FAM135A: variants seen among roughly 807,000 people sequenced by gnomAD.
The protein encoded by FAM135A is protein FAM135A.
In FAM135A, 79 loss-of-function variants were observed where a neutral mutation model predicts 146.8. The ratio of observed to expected loss-of-function variants is 0.54; its 90% CI spans 0.45 to 0.65. The LOEUF (loss-of-function observed/expected upper bound fraction) is 0.65. Among genes scored for constraint, FAM135A ranks in the 30% least tolerant of loss-of-function variants. The pLI is 0.00. For missense variants in FAM135A, 1,623 were observed against 1,758.2 expected, an observed-to-expected ratio of 0.92 and a Z score of 1.38; for synonymous variants, 562 against 603.6, an observed-to-expected ratio of 0.93 and a Z score of 1.01.
intron 11 of FAM135A, among the ~76,000 whole-genome samples, chr6:70,493,781 G>A (rs868142118): frequency 1.4e-4 from 22 of 152,234 alleles, no homozygotes; most frequent in Middle Eastern, 3.4e-3. Context: ...GGCCGGGTGC[G>A]GTGGCTCACG....
chr6:70,493,162 G>A (rs1312115487), intron 11 of FAM135A, among the ~76,000 whole-genome samples: 1 of 151,692 alleles, frequency 6.6e-6, no homozygotes, highest in Non-Finnish European at 1.5e-5. Context: ...CTGTTTGCGT[G>A]CTGAAAACTC....
Position 70,470,224 on chromosome 6 carries a change from C to T in FAM135A, c.158-5186C>T, listed in dbSNP as rs543528609. 4.6e-5 allele frequency among the ~76,000 whole-genome samples: 7 copies of T among 152,324 alleles called. No individual in the cohort carries two copies. The South Asian group carries it at 8.3e-4, about 18-fold the overall frequency. On this transcript the variant is annotated intron_variant, in intron 5 of 21. Transcript: ENST00000418814. ...TATTGCTGTGTAAAAATTTATCCCA[C>T]AACTTAGTTTAAAACAGCAAACATT...
chr6:70,559,752 G>A lies in FAM135A; in HGVS notation c.4379G>A (p.Arg1460Gln), dbSNP rs200784838. Residue 1460 changes from arginine to glutamine, a missense_variant, in exon 22 of 22, where the codon CGA becomes CAA. Physicochemically the swap from Arg to Gln is conservative, Grantham distance 43. Transcript: ENST00000418814. ...TCAGAAATGATCCACAACTTGCTTCGACCCGTTCTGCAAAGCAAGGACTGT... is the reference window on the plus strand; with the variant it reads ...TCAGAAATGATCCACAACTTGCTTCAACCCGTTCTGCAAAGCAAGGACTGT... ...IYSEMIHNLL[R>Q]PVLQSKDCNL... The A allele has an allele frequency of 5.1e-5, 83 of 1,613,712 alleles. No homozygotes were observed. Among genetic ancestry groups the A allele is most frequent in the Non-Finnish European group, 3.1e-5 (36 of 1,179,966 alleles).
chr6:70,452,447 T>G, intron 4 of FAM135A, 45 bp from the exon 5 acceptor site: 1 of 1,462,262 alleles, frequency 6.8e-7, no homozygotes, highest in Non-Finnish European at 9.4e-7. Flanking sequence ...CATTGCATAT[T>G]TTTAAATATG....
intron 4 of FAM135A, among the ~76,000 whole-genome samples, chr6:70,442,239 GTTTTT>G (rs1264461872): frequency 1.6e-5 from 2 of 125,964 alleles, no homozygotes; most frequent in Non-Finnish European, 3.5e-5. Flanking sequence ...TTCTTCATGG[GTTTTT>G]TTTTTTTTTT....
intron 20 of FAM135A, among the ~76,000 whole-genome samples, chr6:70,545,163 CAG>C (rs561006958): frequency 2.8e-4 from 42 of 151,938 alleles, no homozygotes; most frequent in Non-Finnish European, 5.0e-4. Context: ...ATTTTTTTAA[CAG>C]AACTTTTATC....
chr6:70,533,537 A>C (rs1299046845), intron 17 of FAM135A, among the ~76,000 whole-genome samples: 1 of 152,170 alleles, frequency 6.6e-6, no homozygotes, highest in Non-Finnish European at 1.5e-5. Flanking sequence ...TAAACAAACA[A>C]ATAATGCAAG....
At chr6:70,502,889 A>G (rs113500497) in intron 12 of FAM135A, 98 bp downstream of exon 12, 59 of 1,207,196 alleles carry the variant, frequency 4.9e-5, no homozygotes, top group Middle Eastern at 2.6e-4. Flanking sequence ...CTATATATTG[A>G]TAAATCAGAA....
chr6:70,535,277 A>T (rs1412525642), intron 18 of FAM135A, among the ~76,000 whole-genome samples: 1 of 152,128 alleles, frequency 6.6e-6, no homozygotes, highest in African/African-American at 2.4e-5. Context: ...TTTCACTGCT[A>T]ATTGTCCCCA....
At position 70,524,048 on chromosome 6, in the gene FAM135A, T is replaced by C. The variant is rs1044903156; in HGVS notation, c.1185T>C (p.Cys395=). Reference sequence around the variant, plus strand: ...CTCTTCCACCCTTACCTATTGAATGTAGTGAATTAGATGGAGATCTCAATT... The same window carrying C: ...CTCTTCCACCCTTACCTATTGAATGCAGTGAATTAGATGGAGATCTCAATT... ...CSSLPPLPIE[C]SELDGDLNSL... The change falls in exon 14 of 22, where the codon TGT becomes TGC. Residue 395 remains cysteine, a synonymous_variant. Transcript: ENST00000418814. 1.2e-6 allele frequency: 2 copies of C among 1,613,094 alleles called. No homozygotes were observed. The highest frequency in any genetic ancestry group is 1.7e-5 in the Admixed American group (1 of 59,860).
chr6:70,417,501 C>T lies in FAM135A; in HGVS notation c.-134+2125C>T, dbSNP rs1051013682. Reference sequence around the variant, plus strand: ...GTGCTGGGATTACAGGCATGAACTACTATGCCTGGCTGTAGTCTGGGACAT... The same window carrying T: ...GTGCTGGGATTACAGGCATGAACTATTATGCCTGGCTGTAGTCTGGGACAT... On this transcript the variant is annotated intron_variant, in intron 2 of 21. Transcript: ENST00000418814. The T allele has an allele frequency of 4.7e-6, 3 of 633,884 alleles. No individual in the cohort carries two copies. In the East Asian group the frequency reaches 4.1e-4, roughly 88 times the overall value. 39.3% of individuals were successfully genotyped at this position (633,884 alleles called of 1,614,324 possible). A position where few individuals can be genotyped will look rare whatever the true frequency, so the allele number is the denominator to read the frequency against.
intron 5 of FAM135A, among the ~76,000 whole-genome samples, chr6:70,464,062 C>CTT (rs1348972407): frequency 1.3e-5 from 2 of 152,128 alleles, no homozygotes; most frequent in African/African-American, 4.8e-5. Context: ...ATGTTCATGT[C>CTT]TTTTACTTCC....
chr6:70,502,788 G>C lies in FAM135A; in HGVS notation c.1026G>C (p.Leu342Phe). ...TATTAGCACAAGAGCACCATACTTT[G>C]AGGGTAAGTTAAAGAGAAGTGATTT... ...RILLAQEHHT[L>F]RVRRFSEAFF... Residue 342 changes from leucine (L) to phenylalanine (F), a missense_variant, in exon 12 of 22, where the codon TTG (leucine) becomes TTC (phenylalanine). This residue lies in a region of FAM135A where 206 missense variants were observed against 194.7 expected (regional missense o/e 1.06). Coordinates refer to ENST00000418814, the MANE Select transcript of FAM135A (RefSeq NM_001162529.3). 1.2e-6 allele frequency: 2 copies of C among 1,607,144 alleles called. No individual in the cohort carries two copies. Among genetic ancestry groups the C allele is most frequent in the African/African-American group, 1.3e-5 (1 of 74,818 alleles).
At chr6:70,445,954 C>T (rs902008979) in intron 4 of FAM135A, among the ~76,000 whole-genome samples, 1 of 152,240 alleles carries the variant, frequency 6.6e-6, no homozygotes, top group Non-Finnish European at 1.5e-5. Flanking sequence ...TCAGGATCTG[C>T]ATCTGCAGAC....
intron 12 of FAM135A, among the ~76,000 whole-genome samples, chr6:70,519,207 A>G (rs1418128080): frequency 2.0e-5 from 3 of 152,226 alleles, no homozygotes; most frequent in Non-Finnish European, 4.4e-5. Flanking sequence ...CAAATGTGGT[A>G]TAAATAGCAA....
At chr6:70,552,441 G>C (rs1461523247) in intron 20 of FAM135A, among the ~76,000 whole-genome samples, 1 of 148,620 alleles carries the variant, frequency 6.7e-6, no homozygotes, top group African/African-American at 2.5e-5. Flanking sequence ...AGAGGAGGTA[G>C]TAAAGGGGGA....
At chr6:70,545,378 C>T (rs1441834168) in intron 20 of FAM135A, among the ~76,000 whole-genome samples, 3 of 151,970 alleles carry the variant, frequency 2.0e-5, no homozygotes, top group Non-Finnish European at 4.4e-5. Flanking sequence ...TTTGAGAGGC[C>T]AAGGTGAGTG....
At chr6:70,433,317 G>A (rs539562298) in intron 4 of FAM135A, among the ~76,000 whole-genome samples, 5 of 151,936 alleles carry the variant, frequency 3.3e-5, no homozygotes, top group Admixed American at 6.6e-5. Flanking sequence ...CTCATGATCC[G>A]CCCGCCTCGG....
At chr6:70,431,481 C>G (rs1771601887) in intron 4 of FAM135A, among the ~76,000 whole-genome samples, 1 of 152,144 alleles carries the variant, frequency 6.6e-6, no homozygotes. Flanking sequence ...AGAGAGAAAC[C>G]ATGCCAGCAG....
Sources: allele counts gnomAD v4.1 joint callset (sites outside exome capture counted in the v4.1 genomes callset), GRCh38; gene constraint gnomAD v4.1.1; regional missense constraint gnomAD v4.1.1; transcripts MANE v1.5; gene names NCBI Gene and HGNC (gene_info 2026-07-23, HGNC 2026-07-21).